The following NR2F6 variants were observed in gnomAD, a reference collection of about 807,000 sequenced individuals.
NR2F6 encodes the protein nuclear receptor subfamily 2 group F member 6, also known as ERBA-related gene-2.
Under a neutral mutation model 26.5 loss-of-function variants are expected in NR2F6, and 16 were observed. The observed-to-expected ratio is 0.60, with a 90% CI of 0.41 to 0.92. The LOEUF is 0.92. Ranked by LOEUF, NR2F6 falls within the 40% of genes least tolerant of loss-of-function variation. The pLI, the probability that NR2F6 is intolerant of heterozygous loss-of-function variation, is 0.00. For missense variants in NR2F6, 536 were observed against 631.7 expected (o/e 0.85, Z 1.62); for synonymous variants, 325 against 305.0 (o/e 1.07, Z -0.68).
At chr19:17,237,330 G>A (rs2073444397) in intron 2 of NR2F6, among the ~76,000 whole-genome samples, 3 of 151,984 alleles carry the variant, frequency 2.0e-5, no homozygotes, top group Admixed American at 1.3e-4. Context: ...TCCCACCCCA[G>A]GGCCTTTGAA....
At position 17,245,261 on chromosome 19, in the gene NR2F6, T is replaced by G; in HGVS notation, c.-41A>C. ...GGGCCGGGGCGCCCCCACCGCGCTCTTCCCTCCGGGCACCCCTCTCGGCCC... is the reference window on the plus strand; with the variant it reads ...GGGCCGGGGCGCCCCCACCGCGCTCGTCCCTCCGGGCACCCCTCTCGGCCC... On this transcript the variant is annotated 5_prime_UTR_variant, in exon 1 of 4. Coordinates refer to ENST00000291442, the MANE Select transcript of NR2F6 (RefSeq NM_005234.4). The surrounding 1 kb of genome is among the most constrained non-coding windows in gnomAD (Gnocchi z 5.0). 9.9e-6 allele frequency: 12 copies of G among 1,214,262 alleles called. No homozygotes were observed. Among genetic ancestry groups the G allele is most frequent in the Admixed American group, 4.5e-5 (1 of 22,116 alleles). The allele number at this position is 1,214,262 out of a possible 1,614,324, so 75.2% of individuals were successfully genotyped here.
chr19:17,236,887 A>C (rs1049615907), intron 2 of NR2F6, among the ~76,000 whole-genome samples: 2 of 152,232 alleles, frequency 1.3e-5, no homozygotes, highest in African/African-American at 4.8e-5. Context: ...TGGCTTGGGC[A>C]CGTCTGCAGT....
At chr19:17,237,347 C>G (rs943752949) in intron 2 of NR2F6, among the ~76,000 whole-genome samples, 1 of 151,944 alleles carries the variant, frequency 6.6e-6, no homozygotes, top group African/African-American at 2.4e-5. Context: ...TGAACTTTTT[C>G]TTTTTCTTTT....
At chr19:17,234,092 G>A (rs139228024) in intron 3 of NR2F6, among the ~76,000 whole-genome samples, 57 of 152,006 alleles carry the variant, frequency 3.7e-4, no homozygotes, top group African/African-American at 1.3e-3. Context: ...GCGTGGTGAC[G>A]CGTGCCTGTA....
At chr19:17,237,867 C>T (rs1386341964) in intron 2 of NR2F6, among the ~76,000 whole-genome samples, 5 of 151,668 alleles carry the variant, frequency 3.3e-5, no homozygotes, top group African/African-American at 1.2e-4. Context: ...AAAATGCAGA[C>T]AGTGGCTCCC....
At position 17,235,381 on chromosome 19, in the gene NR2F6, C is replaced by A; in HGVS notation, c.940+118G>T. On this transcript the variant is annotated intron_variant, in intron 3 of 3. Transcript: ENST00000291442. This position sits in a 1 kb window ranked among gnomAD's most constrained non-coding sequence, Gnocchi z 5.0. ...GCGTTCACTCACGGCGCGTGCAGGG[C>A]CCCAGGCCTAGGGAGCGAGCGGGGC... The A allele has an allele frequency of 6.8e-7, 1 of 1,480,082 alleles. No individual in the cohort carries two copies. The highest frequency in any genetic ancestry group is 8.9e-7 in the Non-Finnish European group (1 of 1,121,646). The allele number at this position is 1,480,082 out of a possible 1,614,324, so 91.7% of individuals were successfully genotyped here.
In NR2F6 at chr19:17,235,852, ACCGCGCCCG is replaced by A; in HGVS notation, c.578_586del (p.Ala193_Ala195del). 6.8e-7 allele frequency: 1 copy of A among 1,471,070 alleles called. No individual in the cohort carries two copies. Among genetic ancestry groups the A allele is most frequent in the Non-Finnish European group, 8.9e-7 (1 of 1,119,726 alleles). The allele number at this position is 1,471,070 out of a possible 1,614,324, so 91.1% of individuals were successfully genotyped here. On this transcript the variant is annotated inframe_deletion, in exon 3 of 4. Transcript: ENST00000291442. The surrounding 1 kb of genome is among the most constrained non-coding windows in gnomAD (Gnocchi z 5.0). The stretch of plus-strand genomic sequence containing the variant: ...CTCGCACACGTTGTCGATGCCCAGC[ACCGCGCCCG>A]CCGCGCCGCCCCCTGCGCCGAAGCG...
intron 3 of NR2F6, among the ~76,000 whole-genome samples, chr19:17,234,032 G>A (rs2145562763): frequency 6.6e-6 from 1 of 152,056 alleles, no homozygotes; most frequent in East Asian, 1.9e-4. Context: ...AGATCAGCCT[G>A]ACCAACATGA....
At chr19:17,239,384 C>T (rs982595398) in intron 2 of NR2F6, among the ~76,000 whole-genome samples, 18 of 150,534 alleles carry the variant, frequency 1.2e-4, no homozygotes, top group Non-Finnish European at 1.8e-4. Flanking sequence ...GTGCCGGGCG[C>T]GGTGGCTTAC....
chr19:17,237,749 C>G (rs1262348397), intron 2 of NR2F6, among the ~76,000 whole-genome samples: 1 of 152,176 alleles, frequency 6.6e-6, no homozygotes, highest in East Asian at 1.9e-4. Flanking sequence ...CAAACCCCTC[C>G]CCAGCTCTTC....
At chr19:17,234,241 T>A (rs78524945) in intron 3 of NR2F6, among the ~76,000 whole-genome samples, 1 of 145,322 alleles carries the variant, frequency 6.9e-6, no homozygotes, top group Non-Finnish European at 1.5e-5. Context: ...AAAAAAAAAA[T>A]CTTCTGGGAA....
intron 2 of NR2F6, among the ~76,000 whole-genome samples, chr19:17,240,016 G>A (rs2073460659): frequency 1.3e-5 from 2 of 152,064 alleles, no homozygotes; most frequent in African/African-American, 4.8e-5. Flanking sequence ...AGAAATCTCT[G>A]GGTTCTACTT....
intron 1 of NR2F6, chr19:17,244,601 T>C (rs1470598018): frequency 3.9e-6 from 1 of 253,524 alleles, no homozygotes; most frequent in Non-Finnish European, 7.6e-6. Context: ...CGAGAACGGG[T>C]GCCCTGGGGT....
intron 3 of NR2F6, among the ~76,000 whole-genome samples, chr19:17,234,756 GA>G (rs1484677076): frequency 2.0e-5 from 3 of 152,158 alleles, no homozygotes; most frequent in Non-Finnish European, 4.4e-5. Flanking sequence ...TCAAGAGGCT[GA>G]AGTGTGAGGG....
In NR2F6 at chr19:17,235,127, C is replaced by G. The variant is rs1349513643; in HGVS notation, c.940+372G>C. Among the ~76,000 whole-genome samples, 1 of 152,236 alleles carries G rather than the reference C, an allele frequency of 6.6e-6. No homozygotes were observed. Among genetic ancestry groups the G allele is most frequent in the Non-Finnish European group, 1.5e-5 (1 of 68,040 alleles). Reference sequence around the variant, plus strand: ...TCAGGACCTTCCCTCCCACGTCCCCCCAACCTTGTGCTATCAGTGCTCACT... The same window carrying G: ...TCAGGACCTTCCCTCCCACGTCCCCGCAACCTTGTGCTATCAGTGCTCACT... On this transcript the variant is annotated intron_variant, in intron 3 of 3. Transcript: ENST00000291442. This position sits in a 1 kb window ranked among gnomAD's most constrained non-coding sequence, Gnocchi z 5.0.
At chr19:17,238,774 A>C (rs2073452862) in intron 2 of NR2F6, among the ~76,000 whole-genome samples, 1 of 152,184 alleles carries the variant, frequency 6.6e-6, no homozygotes, top group Admixed American at 6.5e-5. Context: ...AGACCAAAAA[A>C]CAACAGCTTT....
chr19:17,236,957 C>T (rs1220815569), intron 2 of NR2F6, among the ~76,000 whole-genome samples: 1 of 152,236 alleles, frequency 6.6e-6, no homozygotes, highest in Non-Finnish European at 1.5e-5. Flanking sequence ...TGGCCATGTG[C>T]CTGCCTGGCT....
intron 3 of NR2F6, among the ~76,000 whole-genome samples, chr19:17,232,957 G>T (rs561111152): frequency 7.2e-5 from 11 of 152,280 alleles, no homozygotes; most frequent in African/African-American, 2.6e-4. Context: ...AGACCAGCCT[G>T]GCCAACATGA....
intron 1 of NR2F6, among the ~76,000 whole-genome samples, chr19:17,241,040 G>A (rs1447411290): frequency 6.6e-6 from 1 of 152,206 alleles, no homozygotes; most frequent in African/African-American, 2.4e-5. Flanking sequence ...AGGATGAATA[G>A]GAGTTCTCCA....
Sources: gnomAD v4.1 joint callset for allele counts (sites outside exome capture counted in the v4.1 genomes callset) on GRCh38, gnomAD v4.1.1 for gene constraint, Gnocchi (gnomAD v3.1) non-coding constraint, MANE v1.5 for transcripts, NCBI Gene and HGNC (gene_info 2026-07-23, HGNC 2026-07-21) for gene names.